The following SLC20A2 variants were observed in gnomAD, a reference collection of about 807,000 sequenced individuals.
SLC20A2 encodes solute carrier family 20 member 2.
A neutral mutation model predicts 61.0 loss-of-function variants in SLC20A2; 30 were observed. The observed-to-expected ratio is 0.49, with a 90% CI of 0.37 to 0.67. The LOEUF is 0.67. Among genes scored for constraint, SLC20A2 ranks in the 30% least tolerant of loss-of-function variants. The pLI is 0.00. For missense variants in SLC20A2, 626 were observed against 866.4 expected (o/e 0.72, Z 3.48); for synonymous variants, 351 against 353.3 (o/e 0.99, Z 0.07).
At chr8:42,473,920 CAG>C (rs1228646157) in intron 1 of SLC20A2, among the ~76,000 whole-genome samples, 3 of 152,138 alleles carry the variant, frequency 2.0e-5, no homozygotes, top group Non-Finnish European at 4.4e-5. Context: ...CCTATAATCT[CAG>C]AACTCTGGGA....
In SLC20A2 at chr8:42,509,990, A is replaced by G. The variant is rs143111363; in HGVS notation, c.-265+31831T>C. ...TGAATGCAATAAGATTTTGGGGAAAAAGTCAAAGATTAGATTTAAAGCCAC... is the reference window on the plus strand; with the variant it reads ...TGAATGCAATAAGATTTTGGGGAAAGAGTCAAAGATTAGATTTAAAGCCAC... On this transcript the variant is annotated intron_variant, in intron 1 of 10. Coordinates refer to the SLC20A2 transcript ENST00000342228. 5.4e-4 allele frequency among the ~76,000 whole-genome samples: 83 copies of G among 152,314 alleles called. 1 individual carries two copies. Among genetic ancestry groups the G allele is most frequent in the African/African-American group, 1.9e-3 (79 of 41,576 alleles).
chr8:42,502,532 G>C (rs1006875881), upstream of SLC20A2: 11 of 152,410 alleles, frequency 7.2e-5, no homozygotes, highest in African/African-American at 2.6e-4. Flanking sequence ...CAAACCGGTT[G>C]ATCTTCATTG....
At chr8:42,460,157 A>T (rs1252074152) in intron 4 of SLC20A2, 165 bp from the exon 5 acceptor site, 1 of 540,304 alleles carries the variant, frequency 1.9e-6, no homozygotes, top group Non-Finnish European at 3.4e-6. Context: ...CCACTTCTGC[A>T]GAAATGGCAT....
intron 1 of SLC20A2, among the ~76,000 whole-genome samples, chr8:42,495,477 C>T (rs539487240): frequency 3.3e-5 from 5 of 152,246 alleles, no homozygotes; most frequent in African/African-American, 1.2e-4. Context: ...TGTACAGACA[C>T]CATGTTCATT....
intron 9 of SLC20A2, among the ~76,000 whole-genome samples, chr8:42,429,496 G>A (rs988238138): frequency 6.6e-6 from 1 of 152,172 alleles, no homozygotes; most frequent in Admixed American, 6.5e-5. Context: ...TCCTACCACA[G>A]GTGGCTCCAA....
At chr8:42,461,586 G>A (rs1806705422) in intron 4 of SLC20A2, among the ~76,000 whole-genome samples, 1 of 151,760 alleles carries the variant, frequency 6.6e-6, no homozygotes, top group Non-Finnish European at 1.5e-5. Flanking sequence ...AAGTAGCTGT[G>A]ACTACAGGCA....
Position 42,501,216 on chromosome 8 carries a change from C to T in SLC20A2, c.-450G>A, listed in dbSNP as rs183590546. 6.6e-6 allele frequency: 1 copy of T among 152,350 alleles called. No homozygotes were observed. The highest frequency in any genetic ancestry group is 1.5e-5 in the Non-Finnish European group (1 of 68,044). The allele number at this position is 152,350 out of a possible 1,614,324, so 9.4% of individuals were successfully genotyped here. On this transcript the variant is annotated 5_prime_UTR_variant, in exon 1 of 11. Coordinates refer to ENST00000520262, the MANE Select transcript of SLC20A2 (RefSeq NM_001257180.2). ...GCTAAAATTAACTGCAGCCAAGCAG[C>T]AGGCAGGAACACGCTGATTTGCATC...
chr8:42,485,944 C>CAA (rs368127646), intron 1 of SLC20A2, among the ~76,000 whole-genome samples: 4 of 113,652 alleles, frequency 3.5e-5, no homozygotes, highest in African/African-American at 2.9e-5. Context: ...GACTCCGTCT[C>CAA]AAAAAAAAAA....
intron 4 of SLC20A2, 60 bp from the exon 5 acceptor site, chr8:42,460,052 C>A (rs1806578553): frequency 2.1e-6 from 2 of 944,508 alleles, no homozygotes; most frequent in Non-Finnish European, 3.4e-6. Context: ...TTGGAGCCAA[C>A]ACAGACAAAA....
intron 1 of SLC20A2, among the ~76,000 whole-genome samples, chr8:42,533,654 CTTT>C (rs1162369065): frequency 1.8e-5 from 1 of 55,298 alleles, no homozygotes. Context: ...ATCAACTGTT[CTTT>C]TTTTTTTTTT....
At chr8:42,486,951 CCA>C (rs1491073636) in intron 1 of SLC20A2, among the ~76,000 whole-genome samples, 29 of 152,068 alleles carry the variant, frequency 1.9e-4, no homozygotes, top group Non-Finnish European at 3.4e-4. Context: ...ACCACAACCT[CCA>C]CCTCCTGGGT....
At chr8:42,440,216 A>C (rs1804669728) in intron 6 of SLC20A2, among the ~76,000 whole-genome samples, 1 of 152,218 alleles carries the variant, frequency 6.6e-6, no homozygotes, top group Non-Finnish European at 1.5e-5. Context: ...TCCAAAAACA[A>C]CAACCAAAAA....
At chr8:42,470,700 G>A (rs1807564694) in intron 2 of SLC20A2, among the ~76,000 whole-genome samples, 1 of 152,176 alleles carries the variant, frequency 6.6e-6, no homozygotes, top group Non-Finnish European at 1.5e-5. Flanking sequence ...CAGGCCAGGT[G>A]TGGTGGCTCA....
At chr8:42,515,553 G>A (rs1586248725) in intron 1 of SLC20A2, among the ~76,000 whole-genome samples, 1 of 152,080 alleles carries the variant, frequency 6.6e-6, no homozygotes, top group African/African-American at 2.4e-5. Flanking sequence ...TCTTTCTTCT[G>A]CAAGTGAGAG....
intron 5 of SLC20A2, among the ~76,000 whole-genome samples, chr8:42,450,525 G>A (rs183456654): frequency 2.3e-4 from 34 of 151,102 alleles, no homozygotes; most frequent in East Asian, 5.9e-4. Flanking sequence ...CACTGCGCCC[G>A]GCCTCTTTTT....
intron 2 of SLC20A2, chr8:42,471,263 T>C: frequency 2.2e-6 from 1 of 455,994 alleles, no homozygotes; most frequent in Non-Finnish European, 4.4e-6. Flanking sequence ...CCGGGAAGGT[T>C]CTTTTCTGTC....
intron 5 of SLC20A2, among the ~76,000 whole-genome samples, chr8:42,452,277 G>C (rs549326058): frequency 2.4e-4 from 36 of 147,444 alleles, no homozygotes; most frequent in Non-Finnish European, 3.0e-4. Flanking sequence ...AGGAGGAAGA[G>C]ATGGAACAGG....
intron 2 of SLC20A2, among the ~76,000 whole-genome samples, chr8:42,466,287 T>C (rs777479712): frequency 2.6e-5 from 4 of 152,188 alleles, no homozygotes; most frequent in Admixed American, 2.0e-4. Flanking sequence ...GGTCTCACTA[T>C]GTTAGCCAGG....
At chr8:42,418,826 G>T (rs544047707) in intron 10 of SLC20A2, among the ~76,000 whole-genome samples, 40 of 151,782 alleles carry the variant, frequency 2.6e-4, no homozygotes, top group South Asian at 2.1e-4. Flanking sequence ...GTGAAACCCC[G>T]TCTCTACTAA....
Sources: gnomAD v4.1 joint callset for allele counts (sites outside exome capture counted in the v4.1 genomes callset) on GRCh38, gnomAD v4.1.1 for gene constraint, MANE v1.5 for transcripts, NCBI Gene and HGNC (gene_info 2026-07-23, HGNC 2026-07-21) for gene names.